CD226: variants seen among roughly 807,000 people sequenced by gnomAD.
CD226 encodes CD226 molecule.
CD226 carries 24 observed loss-of-function variants against 34.9 expected under a neutral mutation model. The observed-to-expected ratio is 0.69, with a 90% confidence interval of 0.50 to 0.97. The LOEUF (loss-of-function observed/expected upper bound fraction) is 0.97, where lower values mean the gene tolerates loss of function less well. CD226 is among the 50% of genes least tolerant of loss of function. The pLI, the probability that CD226 is intolerant of heterozygous loss-of-function variation, is 0.00. For synonymous variants in CD226, 148 were observed against 147.4 expected (o/e 1.00, Z -0.03); for missense variants, 397 against 412.7 (o/e 0.96, Z 0.33).
At chr18:69,865,800 T>C (rs1160819746) in intron 5 of CD226, among the ~76,000 whole-genome samples, 1 of 152,228 alleles carries the variant, frequency 6.6e-6, no homozygotes, top group Non-Finnish European at 1.5e-5. Context: ...TCAGAACCTT[T>C]TTAGTACTTG....
rs991379489 is a variant in CD226, at chr18:69,925,954, C to A, written c.382+20780G>T. On this transcript the variant is annotated intron_variant, in intron 2 of 5. Transcript: ENST00000582621. ...GGCCAGGAGTTCGAGACCAGCCTGGCCAATATGGTGATACCCCATCTCTAC... is the reference window on the plus strand; with the variant it reads ...GGCCAGGAGTTCGAGACCAGCCTGGACAATATGGTGATACCCCATCTCTAC... Among the ~76,000 whole-genome samples, 25 of 152,186 alleles carry A rather than the reference C, an allele frequency of 1.6e-4. 1 individual carries two copies. Among genetic ancestry groups the A allele is most frequent in the Admixed American group, 1.6e-3 (25 of 15,278 alleles).
chr18:69,928,797 G>A (rs1206038077), intron 2 of CD226, among the ~76,000 whole-genome samples: 1 of 152,182 alleles, frequency 6.6e-6, no homozygotes, highest in Non-Finnish European at 1.5e-5. Flanking sequence ...GGGATATTCA[G>A]TCTGTAGTAC....
intron 2 of CD226, among the ~76,000 whole-genome samples, chr18:69,933,064 G>A (rs1409156500): frequency 1.3e-5 from 2 of 152,188 alleles, no homozygotes; most frequent in African/African-American, 2.4e-5. Context: ...GGGCTGCACC[G>A]TGGGGGCAGT....
chr18:69,882,566 T>TA (rs761746161), intron 3 of CD226, among the ~76,000 whole-genome samples: 3 of 152,218 alleles, frequency 2.0e-5, no homozygotes, highest in Non-Finnish European at 2.9e-5. Context: ...TCCTTTGTAT[T>TA]AGATATCTCA....
intron 2 of CD226, among the ~76,000 whole-genome samples, chr18:69,937,711 G>C (rs2055672429): frequency 6.6e-6 from 1 of 152,088 alleles, no homozygotes; most frequent in Admixed American, 6.6e-5. Context: ...ATAAAAGCCA[G>C]ATTTGAGACA....
chr18:69,938,532 G>T (rs1243358856), intron 2 of CD226, among the ~76,000 whole-genome samples: 1 of 152,166 alleles, frequency 6.6e-6, no homozygotes, highest in East Asian at 1.9e-4. Flanking sequence ...TCAATTGTCA[G>T]CTGGTCAAAG....
chr18:69,895,272 G>GCATTT (rs1450627385), intron 3 of CD226, among the ~76,000 whole-genome samples: 2 of 152,142 alleles, frequency 1.3e-5, no homozygotes, highest in Non-Finnish European at 2.9e-5. Context: ...TGCACTCAAC[G>GCATTT]CAGCCCTGCT....
At chr18:69,959,151 T>C (rs2055918042), upstream of CD226, among the ~76,000 whole-genome samples, 1 of 152,146 alleles carries the variant, frequency 6.6e-6, no homozygotes, top group African/African-American at 2.4e-5. Flanking sequence ...TGTTGAAATA[T>C]CACATGATCG....
chr18:69,904,746 C>T (rs2055230739), intron 2 of CD226, among the ~76,000 whole-genome samples: 1 of 152,104 alleles, frequency 6.6e-6, no homozygotes, highest in Non-Finnish European at 1.5e-5. Context: ...TCTGAGGTCT[C>T]ATAAAACCAA....
chr18:69,941,100 G>C (rs923260613), intron 2 of CD226, among the ~76,000 whole-genome samples: 2 of 152,256 alleles, frequency 1.3e-5, no homozygotes, highest in Non-Finnish European at 1.5e-5. Context: ...CAGAAGTCAA[G>C]AACTGTGGTT....
intron 2 of CD226, among the ~76,000 whole-genome samples, chr18:69,906,663 T>C (rs2055257464): frequency 6.6e-6 from 1 of 152,200 alleles, no homozygotes; most frequent in Non-Finnish European, 1.5e-5. Context: ...AAGGTGAGGA[T>C]TTCTTGGAGG....
chr18:69,889,320 T>C (rs762136384), intron 3 of CD226, among the ~76,000 whole-genome samples: 1 of 152,268 alleles, frequency 6.6e-6, no homozygotes, highest in East Asian at 1.9e-4. Flanking sequence ...TTACTTTCCA[T>C]GTAGGTAAAG....
chr18:69,951,253 C>T (rs115063438), upstream of CD226, among the ~76,000 whole-genome samples: 876 of 152,014 alleles, frequency 5.8e-3, 6 homozygotes, highest in African/African-American at 0.02. Context: ...GTTGGGAGTA[C>T]GGGCATGATC....
Position 69,895,847 on chromosome 18 carries a change from T to C in CD226, c.581A>G (p.Gln194Arg). Residue 194 changes from glutamine (Q) to arginine (R), a missense_variant, in exon 3 of 6, where the codon CAA (glutamine) becomes CGA (arginine). Transcript: ENST00000582621. ...GRNFTSKFPR[Q>R]IVSNCSHGRW... ...TCCGTGGCTGCAGTTGCTCACTATT[T>C]GTCTTGGGAACTTGGAGGTGAAATT... 1 of 1,614,172 alleles carries C rather than the reference T, an allele frequency of 6.2e-7. No homozygotes were observed. Among genetic ancestry groups the C allele is most frequent in the Non-Finnish European group, 8.5e-7 (1 of 1,180,036 alleles).
At chr18:69,923,111 C>G (rs2055472589) in intron 2 of CD226, among the ~76,000 whole-genome samples, 1 of 149,734 alleles carries the variant, frequency 6.7e-6, no homozygotes, top group Non-Finnish European at 1.5e-5. Context: ...CCAGCCTGGG[C>G]AACAGTGAGA....
intron 2 of CD226, among the ~76,000 whole-genome samples, chr18:69,935,561 CCA>C (rs1402878481): frequency 6.6e-6 from 1 of 152,162 alleles, no homozygotes; most frequent in African/African-American, 2.4e-5. Context: ...GCATTGGCAC[CCA>C]CACACCACCA....
chr18:69,884,843 A>G (rs1984468189), intron 3 of CD226, among the ~76,000 whole-genome samples: 1 of 152,234 alleles, frequency 6.6e-6, no homozygotes, highest in South Asian at 2.1e-4. Flanking sequence ...TCTTTAGAGC[A>G]TGTATGTAAT....
At chr18:69,926,902 G>A (rs1163007058) in intron 2 of CD226, among the ~76,000 whole-genome samples, 4 of 152,162 alleles carry the variant, frequency 2.6e-5, no homozygotes, top group South Asian at 2.1e-4. Flanking sequence ...TTTTGTTTTC[G>A]TGTAATAAAG....
intron 1 of CD226, 134 bp from the exon 2 acceptor site, chr18:69,947,203 G>T: frequency 2.2e-6 from 2 of 919,104 alleles, no homozygotes; most frequent in Non-Finnish European, 3.3e-6. Flanking sequence ...CTAAAAAGGC[G>T]TCCTGCTGAT....
Sources: gnomAD v4.1 joint callset for allele counts (sites outside exome capture counted in the v4.1 genomes callset) on GRCh38, gnomAD v4.1.1 for gene constraint, MANE v1.5 for transcripts, NCBI Gene and HGNC (gene_info 2026-07-23, HGNC 2026-07-21) for gene names.